SERF2: variants seen among roughly 807,000 people sequenced by gnomAD.
SERF2 encodes the protein small EDRK-rich factor 2.
In SERF2, 4 loss-of-function variants were observed where a neutral mutation model predicts 10.7. The observed-to-expected ratio is 0.37, with a 90% CI of 0.18 to 0.86. The LOEUF is 0.86. Ranked by LOEUF, SERF2 falls within the 40% of genes least tolerant of loss-of-function variation. The probability of loss-of-function intolerance (pLI) is 0.43; values close to 1 mark genes in which losing one functional copy is unlikely to be tolerated. For synonymous variants in SERF2, 26 were observed against 26.0 expected (o/e 1.00, Z 0.01); for missense variants, 47 against 79.1 (o/e 0.59, Z 1.54).
chr15:43,790,191 C>A (rs1425762334), upstream of SERF2, among the ~76,000 whole-genome samples: 1 of 150,760 alleles, frequency 6.6e-6, no homozygotes, highest in Non-Finnish European at 1.5e-5. Flanking sequence ...TGCCTGTAAT[C>A]CCAGCTACTC....
At chr15:43,783,940 T>TA (rs1464783205) in intron 1 of SERF2, among the ~76,000 whole-genome samples, 1 of 133,968 alleles carries the variant, frequency 7.5e-6, no homozygotes, top group South Asian at 2.6e-4. Flanking sequence ...TTTTTTTTTT[T>TA]TTTTTTTTTT....
Position 43,795,688 on chromosome 15 carries a change from C to T in SERF2, c.*1915C>T, listed in dbSNP as rs2087197774. On this transcript the variant is annotated 3_prime_UTR_variant, in exon 3 of 3. Coordinates refer to ENST00000249786, the MANE Select transcript of SERF2 (RefSeq NM_001018108.4). ...TTATGGTTCCTCACTTGGCACTCAC[C>T]TTTGTCTGCCTCCACTGTTTCAGGG... 2 of 1,613,868 alleles carry T rather than the reference C, an allele frequency of 1.2e-6. No homozygotes were observed. Among genetic ancestry groups the T allele is most frequent in the Admixed American group, 1.7e-5 (1 of 59,978 alleles).
At position 43,793,841 on chromosome 15, in the gene SERF2, G is replaced by C; in HGVS notation, c.*68G>C. ...GCCTGGAGCCAGTCCCACCACGCTC[G>C]CGTTTCCTCCTGTAGTGCTCACAGG... On this transcript the variant is annotated 3_prime_UTR_variant, in exon 3 of 3. Coordinates refer to ENST00000249786, the MANE Select transcript of SERF2 (RefSeq NM_001018108.4). 1 of 1,613,680 alleles carries C rather than the reference G, an allele frequency of 6.2e-7. No individual in the cohort carries two copies. The highest frequency in any genetic ancestry group is 8.5e-7 in the Non-Finnish European group (1 of 1,179,936).
intron 2 of SERF2, among the ~76,000 whole-genome samples, chr15:43,786,669 C>G (rs929094685): frequency 2.6e-5 from 4 of 152,164 alleles, no homozygotes; most frequent in African/African-American, 9.7e-5. Context: ...AGTTCCCACA[C>G]CAGGAAACTC....
At chr15:43,792,537 GAGCCC>G in intron 1 of SERF2, 154 bp downstream of exon 1, 1 of 1,514,272 alleles carries the variant, frequency 6.6e-7, no homozygotes. Flanking sequence ...CCCGGAAATC[GAGCCC>G]TTTGCCCACG....
Position 43,794,931 on chromosome 15 carries a change from G to T in SERF2, c.*1158G>T. The T allele has an allele frequency of 8.0e-7, 1 of 1,245,754 alleles. No individual in the cohort carries two copies. The highest frequency in any genetic ancestry group is 1.1e-6 in the Non-Finnish European group (1 of 879,406). 77.2% of individuals were successfully genotyped at this position (1,245,754 alleles called of 1,614,324 possible). A position where few individuals can be genotyped will look rare whatever the true frequency, so the allele number is the denominator to read the frequency against. ...GTGTGTCCTTGAGGTATTGAGCTGG[G>T]CTGGACAGCTCCCCTTGAGCCAACT... is the stretch of plus-strand genomic sequence containing the variant. On this transcript the variant is annotated 3_prime_UTR_variant, in exon 3 of 3. Transcript: ENST00000249786.
chr15:43,795,364 T>A lies in SERF2; in HGVS notation c.*1591T>A. 6.2e-7 allele frequency: 1 copy of A among 1,612,688 alleles called. No individual in the cohort carries two copies. Among genetic ancestry groups the A allele is most frequent in the Non-Finnish European group, 8.5e-7 (1 of 1,178,932 alleles). The stretch of plus-strand genomic sequence containing the variant: ...TAAAATAGCTAGCTCTTCAGGAGAG[T>A]ATCTAAGGCCCACTCCATCTTACCT... On this transcript the variant is annotated 3_prime_UTR_variant, in exon 3 of 3. Coordinates refer to ENST00000249786, the MANE Select transcript of SERF2 (RefSeq NM_001018108.4).
intron 1 of SERF2, among the ~76,000 whole-genome samples, chr15:43,783,192 G>C (rs776580368): frequency 3.3e-5 from 5 of 151,922 alleles, no homozygotes; most frequent in Non-Finnish European, 7.4e-5. Context: ...ATTTTTAGTA[G>C]AGACAGGGTT....
chr15:43,793,671 C>G (rs1160589033), intron 2 of SERF2, 39 bp from the exon 3 acceptor site: 1 of 1,613,978 alleles, frequency 6.2e-7, no homozygotes, highest in Non-Finnish European at 8.5e-7. Context: ...CCTTTTTGCC[C>G]TCTGGTACCT....
intron 1 of SERF2, among the ~76,000 whole-genome samples, chr15:43,779,214 G>A (rs962123043): frequency 2.0e-5 from 3 of 152,092 alleles, no homozygotes; most frequent in Non-Finnish European, 4.4e-5. Context: ...AGATGTGGTG[G>A]GAGTCTGAAA....
intron 1 of SERF2, among the ~76,000 whole-genome samples, chr15:43,780,447 G>C (rs2141666787): frequency 6.6e-6 from 1 of 152,234 alleles, no homozygotes; most frequent in South Asian, 2.1e-4. Flanking sequence ...CTGCGATCTT[G>C]ACTGTTTTTA....
chr15:43,793,133 C>G (rs749940048), intron 2 of SERF2, 50 bp downstream of exon 2: 15 of 1,217,266 alleles, frequency 1.2e-5, no homozygotes, highest in Non-Finnish European at 1.8e-5. Flanking sequence ...TGGGTTAGAC[C>G]AAGGGTTATA....
intron 1 of SERF2, among the ~76,000 whole-genome samples, chr15:43,778,510 G>A (rs1294637983): frequency 1.5e-5 from 2 of 131,098 alleles, no homozygotes; most frequent in African/African-American, 2.9e-5. Flanking sequence ...CTGAACTTCA[G>A]CCTGAGCAAC....
intron 1 of SERF2, among the ~76,000 whole-genome samples, chr15:43,780,375 C>T (rs1275256626): frequency 6.6e-6 from 1 of 152,142 alleles, no homozygotes; most frequent in Non-Finnish European, 1.5e-5. Context: ...ATCTCCTGAC[C>T]TCGTGATCCG....
chr15:43,790,872 T>C (rs1420671507), upstream of SERF2, among the ~76,000 whole-genome samples: 2 of 149,570 alleles, frequency 1.3e-5, no homozygotes, highest in African/African-American at 4.9e-5. Flanking sequence ...CACACGGTTC[T>C]CCGGCCTCAG....
intron 1 of SERF2, among the ~76,000 whole-genome samples, chr15:43,784,453 T>C (rs2086989018): frequency 6.6e-6 from 1 of 152,176 alleles, no homozygotes; most frequent in African/African-American, 2.4e-5. Context: ...GTTTTATTTA[T>C]TTATTTTAAT....
At chr15:43,792,943 C>G in intron 1 of SERF2, 32 bp from the exon 2 acceptor site, 3 of 1,503,598 alleles carry the variant, frequency 2.0e-6, no homozygotes, top group Non-Finnish European at 2.7e-6. Context: ...CAGAGCGGCC[C>G]CCGCGTCTCA....
Position 43,793,877 on chromosome 15 carries a change from G to T in SERF2, c.*104G>T, listed in dbSNP as rs757746110. On this transcript the variant is annotated 3_prime_UTR_variant, in exon 3 of 3. Coordinates refer to ENST00000249786, the MANE Select transcript of SERF2 (RefSeq NM_001018108.4). ...TGTAGTGCTCACAGGTCCCAGCACC[G>T]ATGGCATTCCCTTTGCCCTGAGTCT... 2.1e-5 allele frequency: 34 copies of T among 1,608,422 alleles called. No homozygotes were observed. Among genetic ancestry groups the T allele is most frequent in the Non-Finnish European group, 2.6e-5 (31 of 1,177,196 alleles).
Position 43,794,876 on chromosome 15 carries a change from T to C in SERF2, c.*1103T>C. The C allele has an allele frequency of 1.3e-6, 1 of 744,604 alleles. No individual in the cohort carries two copies. Among genetic ancestry groups the C allele is most frequent in the Non-Finnish European group, 2.2e-6 (1 of 447,046 alleles). The allele number at this position is 744,604 out of a possible 1,614,324, so 46.1% of individuals were successfully genotyped here. On this transcript the variant is annotated 3_prime_UTR_variant, in exon 3 of 3. Transcript: ENST00000249786. ...GACCACTTCTTCCAGTTCATAGTAT[T>C]GACTTCAGCCCAAACGGAGATAACT...
Sources: allele counts gnomAD v4.1 joint callset (sites outside exome capture counted in the v4.1 genomes callset), GRCh38; gene constraint gnomAD v4.1.1; transcripts MANE v1.5; gene names NCBI Gene and HGNC (gene_info 2026-07-23, HGNC 2026-07-21).